The following BOP1 variants were observed in gnomAD, a reference collection of about 807,000 sequenced individuals.
The protein encoded by BOP1 is BOP1 ribosomal biogenesis factor, also known as ribosome biogenesis protein BOP1.
In BOP1, 54 loss-of-function variants were observed where a neutral mutation model predicts 82.9. The observed-to-expected ratio is 0.65, with a 90% CI of 0.52 to 0.82. The LOEUF (loss-of-function observed/expected upper bound fraction) is 0.82. BOP1 is among the 40% of genes least tolerant of loss of function. The pLI, the probability that BOP1 is intolerant of heterozygous loss-of-function variation, is 0.00. For synonymous variants in BOP1, 566 were observed against 451.1 expected, an observed-to-expected ratio of 1.25 and a Z score of -3.23; for missense variants, 1,170 against 1,072.0, an observed-to-expected ratio of 1.09 and a Z score of -1.28.
rs551025159 is a variant in BOP1 at position 144,288,154 on chromosome 8, C to T, written c.309+941G>A. On this transcript the variant is annotated intron_variant, in intron 2 of 15. Coordinates refer to ENST00000569669, the MANE Select transcript of BOP1 (RefSeq NM_015201.5). The stretch of plus-strand genomic sequence containing the variant: ...GCCTGGTAGTGGGCACCTGTAATCC[C>T]AGCTACTCAGGAGGCTGAGACAGGA... 9.2e-5 allele frequency among the ~76,000 whole-genome samples: 14 copies of T among 151,832 alleles called. No individual in the cohort carries two copies. The East Asian group carries it at 2.7e-3, about 29-fold the overall frequency.
Position 144,264,700 on chromosome 8 carries a change from C to A in BOP1, c.663+14G>T. ...AGGACCCCCGCCGCCCAGGGGCCAG[C>A]CCCTGCCACCTACCTCATAGGGGTT... On this transcript the variant is annotated intron_variant, in intron 5 of 15. Coordinates refer to ENST00000569669, the MANE Select transcript of BOP1 (RefSeq NM_015201.5). 3 of 1,567,254 alleles carry A rather than the reference C, an allele frequency of 1.9e-6. No individual in the cohort carries two copies. Among genetic ancestry groups the A allele is most frequent in the Non-Finnish European group, 2.6e-6 (3 of 1,156,832 alleles).
intron 3 of BOP1, 22 bp from the exon 4 acceptor site, chr8:144,265,093 T>C: frequency 6.2e-7 from 1 of 1,600,574 alleles, no homozygotes; most frequent in Non-Finnish European, 8.5e-7. Context: ...GGCCACCATG[T>C]CGGCATCTGA....
intron 2 of BOP1, among the ~76,000 whole-genome samples, chr8:144,287,715 A>T (rs1294396318): frequency 6.6e-6 from 1 of 152,180 alleles, no homozygotes; most frequent in African/African-American, 2.4e-5. Context: ...AGTTGTCCAT[A>T]ATCTTACAAA....
chr8:144,275,162 G>A (rs1407472639), intron 3 of BOP1, among the ~76,000 whole-genome samples: 1 of 152,220 alleles, frequency 6.6e-6, no homozygotes, highest in East Asian at 1.9e-4. Context: ...TTCCTGACAG[G>A]CAGGCAGGAA....
rs945557088 is a variant in BOP1 at position 144,267,222 on chromosome 8, G to A, written c.391-2151C>T. ...GGGCGCCGAGGGGGGCCTCCAACGC[G>A]CCCCTCAGCCCACACCTGCCAGGCA... On this transcript the variant is annotated intron_variant, in intron 3 of 15. Coordinates refer to ENST00000569669, the MANE Select transcript of BOP1 (RefSeq NM_015201.5). The A allele has an allele frequency of 2.8e-4, 420 of 1,476,856 alleles. 5 individuals are homozygous for A. In the South Asian group the frequency reaches 3.3e-3, roughly 12 times the overall value. 91.5% of individuals were successfully genotyped at this position (1,476,856 alleles called of 1,614,324 possible).
chr8:144,268,037 A>G, intron 3 of BOP1: 1 of 1,546,190 alleles, frequency 6.5e-7, no homozygotes, highest in South Asian at 1.2e-5. Context: ...CCCAGCAGGG[A>G]GGCCAGAGAG....
In BOP1 at chr8:144,264,912, C is replaced by T. The variant is rs2130200934; in HGVS notation, c.545+5G>A. 2 of 1,611,488 alleles carry T rather than the reference C, an allele frequency of 1.2e-6. No homozygotes were observed. Among genetic ancestry groups the T allele is most frequent in the Non-Finnish European group, 1.7e-6 (2 of 1,179,660 alleles). ...GGCTGCTGGCCCCACCCCACCAGCC[C>T]TCACCAGTAGTCAGGATCGTCCATC... On this transcript the variant is annotated splice_donor_5th_base_variant and intron_variant, in intron 4 of 15. Coordinates refer to ENST00000569669, the MANE Select transcript of BOP1 (RefSeq NM_015201.5).
chr8:144,275,015 T>C (rs1441429880), intron 3 of BOP1, among the ~76,000 whole-genome samples: 7 of 152,012 alleles, frequency 4.6e-5, no homozygotes, highest in African/African-American at 1.7e-4. Context: ...GTTTTGTCTC[T>C]GTTCTCTGAA....
chr8:144,287,616 T>C (rs1047564151), intron 2 of BOP1, among the ~76,000 whole-genome samples: 1 of 152,130 alleles, frequency 6.6e-6, no homozygotes, highest in Non-Finnish European at 1.5e-5. Context: ...CCTCCCACTT[T>C]GGCCTCTCGA....
At chr8:144,285,774 G>C (rs1211303213) in intron 2 of BOP1, among the ~76,000 whole-genome samples, 1 of 152,252 alleles carries the variant, frequency 6.6e-6, no homozygotes, top group East Asian at 1.9e-4. Flanking sequence ...CCTCCAGATG[G>C]CTGTGGCGGG....
chr8:144,262,807 C>G, intron 13 of BOP1, 46 bp downstream of exon 13: 1 of 507,812 alleles, frequency 2.0e-6, no homozygotes, highest in Non-Finnish European at 3.4e-6. Context: ...TACACCGCCC[C>G]CCCCCCCACC....
intron 3 of BOP1, chr8:144,266,734 C>T: frequency 1.8e-6 from 2 of 1,113,790 alleles, no homozygotes; most frequent in Non-Finnish European, 1.1e-6. Flanking sequence ...GAAACCCTGT[C>T]GCGTGCACGC....
chr8:144,265,175 C>G (rs2130201773), intron 3 of BOP1, 104 bp from the exon 4 acceptor site: 2 of 1,379,198 alleles, frequency 1.5e-6, no homozygotes, highest in South Asian at 1.3e-5. Context: ...GAGTGCAGGC[C>G]CAGCCTCAAG....
chr8:144,263,304 G>GA lies in BOP1; in HGVS notation c.1521_1522insT (p.Pro508SerfsTer126). 1 of 1,593,950 alleles carries GA rather than the reference G, an allele frequency of 6.3e-7. No homozygotes were observed. Among genetic ancestry groups the GA allele is most frequent in the South Asian group, 1.1e-5 (1 of 90,562 alleles). Reference sequence around the variant, plus strand: ...AGCCAGCGGGCCGGCTGCAAGGGGGGCTCCTCAGGCGGGACGAAGGCGCTC... The same window carrying GA: ...AGCCAGCGGGCCGGCTGCAAGGGGGGACTCCTCAGGCGGGACGAAGGCGCTC... On this transcript the variant is annotated frameshift_variant, in exon 12 of 16. Transcript: ENST00000569669. LOFTEE classifies it high-confidence loss of function.
intron 3 of BOP1, chr8:144,267,976 C>T: frequency 7.1e-7 from 1 of 1,401,086 alleles, no homozygotes; most frequent in Non-Finnish European, 9.9e-7. Flanking sequence ...TTGAGGGAAG[C>T]TGGGGAGAGC....
chr8:144,266,473 GCGCGACGCCCGGCAGCTGCCAC>G (rs1309581213), intron 3 of BOP1: 4 of 982,872 alleles, frequency 4.1e-6, no homozygotes, highest in Non-Finnish European at 3.6e-6. Flanking sequence ...GCACATGTGC[GCGCGACGCCCGGCAGCTGCCAC>G]CGCGGGGCGC....
At chr8:144,285,219 C>T (rs1814831753) in intron 2 of BOP1, among the ~76,000 whole-genome samples, 1 of 152,242 alleles carries the variant, frequency 6.6e-6, no homozygotes, top group African/African-American at 2.4e-5. Context: ...GCTAGGCGGC[C>T]TGGGGAGTGA....
At chr8:144,265,657 TCCTG>T (rs1845344839) in intron 3 of BOP1, 1 of 160,428 alleles carries the variant, frequency 6.2e-6, no homozygotes, top group Non-Finnish European at 1.4e-5. Flanking sequence ...GGAGGCTGCT[TCCTG>T]CAACAGTAGC....
chr8:144,265,029 C>T lies in BOP1; in HGVS notation c.433G>A (p.Asp145Asn), dbSNP rs1489687049. The T allele has an allele frequency of 5.0e-6, 8 of 1,612,238 alleles. No individual in the cohort carries two copies. Among genetic ancestry groups the T allele is most frequent in the Admixed American group, 3.3e-5 (2 of 60,002 alleles). ...TVGNVPLEWYDDFPHVGYDLD... is the reference protein window; with the variant it reads ...TVGNVPLEWYNDFPHVGYDLD... Reference sequence around the variant, plus strand: ...TCGTAGCCCACGTGGGGGAAGTCATCGTACCACTCCAAGGGCACGTTGCCC... The same window carrying T: ...TCGTAGCCCACGTGGGGGAAGTCATTGTACCACTCCAAGGGCACGTTGCCC... Residue 145 changes from aspartate (D) to asparagine (N), a missense_variant, in exon 4 of 16, where the codon GAT (aspartate) becomes AAT (asparagine). Transcript: ENST00000569669.
Sources: allele counts gnomAD v4.1 joint callset (sites outside exome capture counted in the v4.1 genomes callset), GRCh38; gene constraint gnomAD v4.1.1; transcripts MANE v1.5; gene names NCBI Gene and HGNC (gene_info 2026-07-23, HGNC 2026-07-21).